Variants in CLSTN1 observed in about 807,000 individuals in gnomAD.
CLSTN1 encodes calsyntenin 1, also known as calsyntenin-1.
In CLSTN1, 28 loss-of-function variants were observed where a neutral mutation model predicts 108.3. The observed-to-expected ratio is 0.26, with a 90% CI of 0.19 to 0.35. The LOEUF (loss-of-function observed/expected upper bound fraction) is 0.35. Ranked by LOEUF, CLSTN1 falls within the 10% of genes least tolerant of loss-of-function variation. CLSTN1 has a pLI of 1.00. For synonymous variants in CLSTN1, 524 were observed against 534.9 expected, an observed-to-expected ratio of 0.98 and a Z score of 0.28; for missense variants, 1,157 against 1,302.6, an observed-to-expected ratio of 0.89 and a Z score of 1.72.
chr1:9,730,256 A>G lies in CLSTN1; in HGVS notation c.*252T>C. 1 of 563,038 alleles carries G rather than the reference A, an allele frequency of 1.8e-6. No homozygotes were observed. Among genetic ancestry groups the G allele is most frequent in the Non-Finnish European group, 3.2e-6 (1 of 312,960 alleles). The allele number at this position is 563,038 out of a possible 1,614,324, so 34.9% of individuals were successfully genotyped here. A position where few individuals can be genotyped will look rare whatever the true frequency, so the allele number is the denominator to read the frequency against. On this transcript the variant is annotated 3_prime_UTR_variant, in exon 19 of 19. Transcript: ENST00000377298. The surrounding 1 kb of genome is among the most constrained non-coding windows in gnomAD (Gnocchi z 5.6). Reference sequence around the variant, plus strand: ...CAAACGCGGGGCCTGAGGCGCTGGGAGGCCCCTGTGCGAGCCGGATGGCGG... The same window carrying G: ...CAAACGCGGGGCCTGAGGCGCTGGGGGGCCCCTGTGCGAGCCGGATGGCGG...
Position 9,735,019 on chromosome 1 carries a change from G to T in CLSTN1, c.2039C>A (p.Pro680His). The T allele has an allele frequency of 1.9e-6, 3 of 1,614,218 alleles. No homozygotes were observed. Among genetic ancestry groups the T allele is most frequent in the Non-Finnish European group, 2.5e-6 (3 of 1,180,042 alleles). Residue 680 changes from proline (P) to histidine (H), a missense_variant, in exon 14 of 19, where the codon CCT becomes CAT. Pro to His is a moderately conservative substitution (Grantham distance 77). Transcript: ENST00000377298. Reference sequence around the variant, plus strand: ...GATGGTGCTGATGATGCGAAGCTCAGGGAAAAGGAACACCCCTTCTGAGCT... The same window carrying T: ...GATGGTGCTGATGATGCGAAGCTCATGGAAAAGGAACACCCCTTCTGAGCT... ...FESSEGVFLF[P>H]ELRIISTITR...
At chr1:9,821,219 G>A (rs970950619) in intron 1 of CLSTN1, among the ~76,000 whole-genome samples, 9 of 152,158 alleles carry the variant, frequency 5.9e-5, no homozygotes, top group African/African-American at 9.7e-5. Context: ...TGCAACCTCC[G>A]CCTCCTGGGT....
intron 12 of CLSTN1, 130 bp downstream of exon 12, chr1:9,735,755 A>G (rs750793410): frequency 7.4e-5 from 110 of 1,491,556 alleles, no homozygotes; most frequent in Admixed American, 3.1e-4. Flanking sequence ...GTTTAAGTCC[A>G]GTGAACACAA....
Position 9,737,560 on chromosome 1 carries a change from G to C in CLSTN1, c.1520-6C>G. On this transcript the variant is annotated splice_polypyrimidine_tract_variant and splice_region_variant and intron_variant, in intron 10 of 18. Coordinates refer to ENST00000377298, the MANE Select transcript of CLSTN1 (RefSeq NM_001009566.3). Reference sequence around the variant, plus strand: ...ATTTTCAACTCCTGAAAACTCTGTGGAAAAGCAAGACAAAGACAATAGAAA... The same window carrying C: ...ATTTTCAACTCCTGAAAACTCTGTGCAAAAGCAAGACAAAGACAATAGAAA... The C allele has an allele frequency of 6.2e-7, 1 of 1,613,702 alleles. No homozygotes were observed. Among genetic ancestry groups the C allele is most frequent in the Non-Finnish European group, 8.5e-7 (1 of 1,179,624 alleles).
chr1:9,816,725 C>T (rs1467328814), intron 1 of CLSTN1, among the ~76,000 whole-genome samples: 3 of 151,562 alleles, frequency 2.0e-5, no homozygotes, highest in African/African-American at 7.3e-5. Flanking sequence ...CGACTCACTG[C>T]AACCTCCGCC....
intron 1 of CLSTN1, among the ~76,000 whole-genome samples, chr1:9,799,541 T>C (rs953210969): frequency 1.3e-5 from 2 of 150,752 alleles, no homozygotes; most frequent in African/African-American, 2.5e-5. Context: ...CTTGGGAGGC[T>C]GAGGCAGGAG....
In CLSTN1 at chr1:9,730,777, G is replaced by A. The variant is rs559218313; in HGVS notation, c.2749-72C>T. On this transcript the variant is annotated intron_variant, in intron 18 of 18. Transcript: ENST00000377298. The surrounding 1 kb of genome is among the most constrained non-coding windows in gnomAD (Gnocchi z 5.6). Reference sequence around the variant, plus strand: ...CCCCGTCACCTGGCATTCTCCTCTCGACAGCCACAGAGGAAGGAGAACTTG... The same window carrying A: ...CCCCGTCACCTGGCATTCTCCTCTCAACAGCCACAGAGGAAGGAGAACTTG... 67 of 1,384,072 alleles carry A rather than the reference G, an allele frequency of 4.8e-5. No homozygotes were observed. The highest frequency in any genetic ancestry group is 1.6e-4 in the South Asian group (13 of 81,216). 85.7% of individuals were successfully genotyped at this position (1,384,072 alleles called of 1,614,324 possible). A position where few individuals can be genotyped will look rare whatever the true frequency, so the allele number is the denominator to read the frequency against.
At chr1:9,750,492 G>A (rs1035921331) in intron 5 of CLSTN1, among the ~76,000 whole-genome samples, 7 of 151,990 alleles carry the variant, frequency 4.6e-5, no homozygotes, top group African/African-American at 1.4e-4. Flanking sequence ...CTGGAGTGCA[G>A]TGGCCTGATC....
chr1:9,817,922 G>A (rs1246573403), intron 1 of CLSTN1, among the ~76,000 whole-genome samples: 1 of 152,058 alleles, frequency 6.6e-6, no homozygotes, highest in Non-Finnish European at 1.5e-5. Context: ...ACACAGTGGG[G>A]AGGCTGTCGC....
chr1:9,800,708 C>T (rs867228240), intron 1 of CLSTN1, among the ~76,000 whole-genome samples: 13 of 143,434 alleles, frequency 9.1e-5, no homozygotes, highest in South Asian at 2.2e-4. Flanking sequence ...CCAGCCTGGG[C>T]GACAGAGTGA....
Position 9,772,847 on chromosome 1 carries a change from C to T in CLSTN1, c.214+425G>A, listed in dbSNP as rs116777284. 4.8e-3 allele frequency among the ~76,000 whole-genome samples: 726 copies of T among 152,090 alleles called. 3 individuals are homozygous for T. The highest frequency in any genetic ancestry group is 0.016 in the African/African-American group (652 of 41,480). On this transcript the variant is annotated intron_variant, in intron 2 of 18. Coordinates refer to ENST00000377298, the MANE Select transcript of CLSTN1 (RefSeq NM_001009566.3). ...TGAAATCTAGGTAATGCAAGGAACCCCTGGCGCTGTGATTCTCCGGCTCCA... is the reference window on the plus strand; with the variant it reads ...TGAAATCTAGGTAATGCAAGGAACCTCTGGCGCTGTGATTCTCCGGCTCCA...
chr1:9,784,946 T>C (rs1046943227), intron 1 of CLSTN1, among the ~76,000 whole-genome samples: 1 of 151,760 alleles, frequency 6.6e-6, no homozygotes, highest in African/African-American at 2.4e-5. Context: ...AATCAAAATA[T>C]AAAAAGGCAT....
intron 1 of CLSTN1, among the ~76,000 whole-genome samples, chr1:9,817,404 C>G (rs992710960): frequency 6.6e-6 from 1 of 151,918 alleles, no homozygotes; most frequent in East Asian, 1.9e-4. Flanking sequence ...CTCGGCTCAC[C>G]GCAACCTCCA....
At chr1:9,771,966 A>C (rs548200754) in intron 2 of CLSTN1, among the ~76,000 whole-genome samples, 68 of 151,962 alleles carry the variant, frequency 4.5e-4, no homozygotes, top group African/African-American at 1.6e-3. Flanking sequence ...TTGTCCCTAG[A>C]CAAATAGAAC....
intron 10 of CLSTN1, among the ~76,000 whole-genome samples, chr1:9,738,228 C>T (rs1650793678): frequency 2.0e-5 from 3 of 152,180 alleles, no homozygotes; most frequent in Non-Finnish European, 4.4e-5. Context: ...ACCTTCAGCT[C>T]CTCTAGCTCC....
intron 16 of CLSTN1, among the ~76,000 whole-genome samples, chr1:9,732,789 G>A (rs770618607): frequency 6.6e-6 from 1 of 152,238 alleles, no homozygotes; most frequent in Admixed American, 6.5e-5. Context: ...GGGTCCCTGC[G>A]TGAGCCCCTC....
intron 1 of CLSTN1, chr1:9,780,674 G>T (rs1653197694): frequency 6.6e-6 from 1 of 152,372 alleles, no homozygotes; most frequent in Non-Finnish European, 1.5e-5. Context: ...ACAGAAACAA[G>T]TGACCGATGT....
intron 1 of CLSTN1, among the ~76,000 whole-genome samples, chr1:9,814,518 T>C (rs1375936614): frequency 6.6e-6 from 1 of 152,244 alleles, no homozygotes; most frequent in Non-Finnish European, 1.5e-5. Flanking sequence ...GATTGGGTAA[T>C]TGAGGAATAG....
chr1:9,757,880 G>C (rs1651893624), intron 2 of CLSTN1, among the ~76,000 whole-genome samples: 1 of 152,080 alleles, frequency 6.6e-6, no homozygotes, highest in Non-Finnish European at 1.5e-5. Flanking sequence ...AACACGACCT[G>C]AATTCCCTTG....
Sources: allele counts gnomAD v4.1 joint callset (sites outside exome capture counted in the v4.1 genomes callset), GRCh38; gene constraint gnomAD v4.1.1; non-coding constraint Gnocchi (gnomAD v3.1); transcripts MANE v1.5; gene names NCBI Gene and HGNC (gene_info 2026-07-23, HGNC 2026-07-21).